KCNH8: variants seen among roughly 807,000 people sequenced by gnomAD.
KCNH8 encodes voltage-gated delayed rectifier potassium channel KCNH8.
Under a neutral mutation model 103.6 loss-of-function variants are expected in KCNH8, and 70 were observed. The observed-to-expected ratio is 0.68, with a 90% CI of 0.56 to 0.82. The LOEUF (loss-of-function observed/expected upper bound fraction) is 0.82, where lower values mean the gene tolerates loss of function less well. KCNH8 is among the 40% of genes least tolerant of loss of function. KCNH8 has a pLI of 0.00. For synonymous variants in KCNH8, 498 were observed against 489.4 expected (o/e 1.02, Z -0.23); for missense variants, 1,217 against 1,329.9 (o/e 0.92, Z 1.32).
chr3:19,206,168 G>GTGTGTGTGTGTGTGTGTATATATATA lies in KCNH8; in HGVS notation c.77-47485_77-47484insGTGTGTGTGTGTGTGTATATATATAT, dbSNP rs979868166. 1.5e-3 allele frequency among the ~76,000 whole-genome samples: 215 copies of GTGTGTGTGTGTGTGTGTATATATATA among 139,194 alleles called. 1 individual carries two copies. Among genetic ancestry groups the GTGTGTGTGTGTGTGTGTATATATATA allele is most frequent in the Middle Eastern group, 7.1e-3 (2 of 280 alleles). 91.3% of individuals were successfully genotyped at this position (139,194 alleles called of 152,430 possible). ...GTATATATATATTAATGGTGTGTGT[G>GTGTGTGTGTGTGTGTGTATATATATA]TATATATATATATATATCACAGTTA... On this transcript the variant is annotated intron_variant, in intron 1 of 15. Coordinates refer to ENST00000328405, the MANE Select transcript of KCNH8 (RefSeq NM_144633.3).
intron 14 of KCNH8, 148 bp downstream of exon 14, chr3:19,515,576 C>A: frequency 4.7e-6 from 2 of 422,608 alleles, no homozygotes; most frequent in Non-Finnish European, 8.4e-6. Flanking sequence ...AATAATTTGA[C>A]ATGAGTTTAT....
At chr3:19,378,175 G>A (rs541288221) in intron 5 of KCNH8, among the ~76,000 whole-genome samples, 41 of 152,124 alleles carry the variant, frequency 2.7e-4, no homozygotes, top group Non-Finnish European at 5.4e-4. Context: ...GCAAAAGCGC[G>A]TGGAAAAGCA....
intron 11 of KCNH8, among the ~76,000 whole-genome samples, chr3:19,508,618 A>G (rs578089860): frequency 5.3e-5 from 8 of 152,282 alleles, no homozygotes; most frequent in African/African-American, 1.9e-4. Flanking sequence ...TAGGATGATA[A>G]TAACTGTGAT....
At chr3:19,374,232 G>A (rs1053664310) in intron 5 of KCNH8, among the ~76,000 whole-genome samples, 4 of 151,368 alleles carry the variant, frequency 2.6e-5, no homozygotes, top group African/African-American at 7.3e-5. Context: ...CATTATTAAT[G>A]TGTGGGAGTC....
chr3:19,193,766 G>A (rs1027603501), intron 1 of KCNH8, among the ~76,000 whole-genome samples: 4 of 151,682 alleles, frequency 2.6e-5, no homozygotes, highest in African/African-American at 9.7e-5. Flanking sequence ...AGCAAGCATT[G>A]TTTCATTGAA....
intron 1 of KCNH8, among the ~76,000 whole-genome samples, chr3:19,170,659 T>C (rs1271347916): frequency 3.6e-5 from 5 of 137,870 alleles, no homozygotes; most frequent in Admixed American, 7.3e-5. Flanking sequence ...CACACATATA[T>C]ACACACATAT....
At chr3:19,458,949 A>G (rs115354208) in intron 11 of KCNH8, among the ~76,000 whole-genome samples, 6,757 of 152,082 alleles carry the variant, frequency 0.044, 414 homozygotes, top group African/African-American at 0.14. Flanking sequence ...TTAAGGCTGA[A>G]TAGTATTTCA....
At chr3:19,300,153 G>A (rs2065047253) in intron 3 of KCNH8, among the ~76,000 whole-genome samples, 1 of 151,964 alleles carries the variant, frequency 6.6e-6, no homozygotes, top group African/African-American at 2.4e-5. Context: ...GGAGGCTGAG[G>A]CAGGAGAATC....
At chr3:19,408,048 G>T (rs2066721813) in intron 7 of KCNH8, among the ~76,000 whole-genome samples, 1 of 152,086 alleles carries the variant, frequency 6.6e-6, no homozygotes, top group African/African-American at 2.4e-5. Flanking sequence ...TCAGACCACT[G>T]TGCATTCCAT....
chr3:19,376,862 C>A (rs985847524), intron 5 of KCNH8, among the ~76,000 whole-genome samples: 1 of 152,000 alleles, frequency 6.6e-6, no homozygotes, highest in African/African-American at 2.4e-5. Flanking sequence ...TTTTGGGAGA[C>A]CAATAGTGAA....
At chr3:19,502,396 T>C (rs1015480488) in intron 11 of KCNH8, among the ~76,000 whole-genome samples, 4 of 151,106 alleles carry the variant, frequency 2.6e-5, no homozygotes, top group Non-Finnish European at 5.9e-5. Context: ...TACCAATGAC[T>C]TTCTTCACAG....
At chr3:19,201,259 A>AAAAAAAAAG in intron 1 of KCNH8, among the ~76,000 whole-genome samples, 1 of 145,496 alleles carries the variant, frequency 6.9e-6, no homozygotes, top group East Asian at 2.0e-4. Context: ...AAAAAAAAAA[A>AAAAAAAAAG]AAAGAAAAGA....
intron 3 of KCNH8, among the ~76,000 whole-genome samples, chr3:19,300,467 A>G (rs971943972): frequency 3.9e-5 from 6 of 152,196 alleles, no homozygotes; most frequent in African/African-American, 9.6e-5. Flanking sequence ...CTGTTTACCT[A>G]TAACTCAGTG....
intron 1 of KCNH8, among the ~76,000 whole-genome samples, chr3:19,206,796 GAAGA>G (rs1450138201): frequency 2.6e-5 from 4 of 152,012 alleles, no homozygotes; most frequent in Non-Finnish European, 4.4e-5. Context: ...TGAACTGAAG[GAAGA>G]AAGACAGGTG....
At chr3:19,326,383 A>ATATAT (rs1257267521) in intron 3 of KCNH8, among the ~76,000 whole-genome samples, 6 of 144,202 alleles carry the variant, frequency 4.2e-5, no homozygotes, top group Admixed American at 6.9e-5. Flanking sequence ...ATATATATAT[A>ATATAT]ATAAATGATT....
intron 5 of KCNH8, among the ~76,000 whole-genome samples, chr3:19,382,388 T>C (rs2066299730): frequency 6.6e-6 from 1 of 152,152 alleles, no homozygotes; most frequent in Admixed American, 6.5e-5. Flanking sequence ...TAATGTATCA[T>C]TAAATAGACG....
chr3:19,529,249 TG>T (rs2069119343), intron 15 of KCNH8, among the ~76,000 whole-genome samples: 1 of 152,306 alleles, frequency 6.6e-6, no homozygotes, highest in East Asian at 1.9e-4. Context: ...TTGAGGTAAG[TG>T]GGAAAACTTT....
chr3:19,266,787 T>G (rs1472452516), intron 2 of KCNH8, among the ~76,000 whole-genome samples: 5 of 152,146 alleles, frequency 3.3e-5, no homozygotes, highest in Non-Finnish European at 4.4e-5. Context: ...CTCATTTTGC[T>G]TTTCTATTTC....
At chr3:19,400,016 G>A (rs999007244) in intron 7 of KCNH8, among the ~76,000 whole-genome samples, 4 of 151,618 alleles carry the variant, frequency 2.6e-5, no homozygotes, top group Admixed American at 6.6e-5. Flanking sequence ...GATCCTGTGC[G>A]GGAGTCCTAA....
Sources: gnomAD v4.1 joint callset for allele counts (sites outside exome capture counted in the v4.1 genomes callset) on GRCh38, gnomAD v4.1.1 for gene constraint, MANE v1.5 for transcripts, NCBI Gene and HGNC (gene_info 2026-07-23, HGNC 2026-07-21) for gene names.